Variants in MAPK15 observed in about 807,000 individuals in gnomAD.
MAPK15 encodes ERK-7.
Under a neutral mutation model 60.8 loss-of-function variants are expected in MAPK15, and 61 were observed. The observed-to-expected ratio is 1.00, with a 90% CI of 0.82 to 1.24. The LOEUF is 1.24. Ranked by LOEUF, MAPK15 falls within the 50% of genes most tolerant of loss-of-function variation. MAPK15 has a pLI of 0.00. For missense variants in MAPK15, 808 were observed against 741.1 expected (o/e 1.09, Z -1.05); for synonymous variants, 356 against 319.9 (o/e 1.11, Z -1.21).
At chr8:143,722,033 C>A (rs782646945) in intron 13 of MAPK15, 42 bp from the exon 14 acceptor site, 4 of 1,581,994 alleles carry the variant, frequency 2.5e-6, no homozygotes, top group Middle Eastern at 2.0e-4. Flanking sequence ...TCCACTGCAC[C>A]CCCTCTGATG....
rs549605912 is a variant in MAPK15 at position 143,717,678 on chromosome 8, C to G, written c.67-16C>G. The G allele has an allele frequency of 1.3e-6, 2 of 1,586,082 alleles. No homozygotes were observed. The highest frequency in any genetic ancestry group is 2.7e-5 in the African/African-American group (2 of 74,644). On this transcript the variant is annotated splice_polypyrimidine_tract_variant and intron_variant, in intron 1 of 13. Transcript: ENST00000338033. ...GGGGGAAGGGGCTGGCCCTGTGTGACGGCACTCCTTCCCAGGCCTATGGCA... is the reference window on the plus strand; with the variant it reads ...GGGGGAAGGGGCTGGCCCTGTGTGAGGGCACTCCTTCCCAGGCCTATGGCA...
rs200374933 is a variant in MAPK15, at chr8:143,718,789, G to A, written c.301G>A (p.Ala101Thr). 1.8e-5 allele frequency: 28 copies of A among 1,565,124 alleles called. No individual in the cohort carries two copies. In the East Asian group the frequency reaches 3.6e-4, roughly 20 times the overall value. The change falls in exon 5 of 14, where the codon GCA becomes ACA. Residue 101 changes from alanine to threonine, a missense_variant. Physicochemically the swap from Ala to Thr is moderately conservative, Grantham distance 58 (BLOSUM62 0). Transcript: ENST00000338033. Reference sequence around the variant, plus strand: ...CCTCTCTGCAGACACTGACCTGAACGCAGTCATCCGGAAGGGCGGCCTGCT... The same window carrying A: ...CCTCTCTGCAGACACTGACCTGAACACAGTCATCCGGAAGGGCGGCCTGCT... ...VFEFMDTDLNAVIRKGGLLQD... is the reference protein window; with the variant it reads ...VFEFMDTDLNTVIRKGGLLQD...
intron 2 of MAPK15, 45 bp downstream of exon 2, chr8:143,717,837 G>A (rs1554618700): frequency 6.4e-7 from 1 of 1,559,770 alleles, no homozygotes; most frequent in Admixed American, 1.7e-5. Context: ...GGGCAGGGAG[G>A]GGCAGCCCCT....
chr8:143,721,798 C>T lies in MAPK15; in HGVS notation c.1376C>T (p.Ala459Val). 6.2e-7 allele frequency: 1 copy of T among 1,613,144 alleles called. No homozygotes were observed. The highest frequency in any genetic ancestry group is 1.3e-5 in the African/African-American group (1 of 75,042). The change falls in exon 13 of 14, where the codon GCT (alanine) becomes GTT (valine). Residue 459 changes from alanine (A) to valine (V), a missense_variant. Coordinates refer to ENST00000338033, the MANE Select transcript of MAPK15 (RefSeq NM_139021.3). ...RGAAPSLTSQ[A>V]AAQVANQALI... ...GCTGCGCCCTCCCTGACCTCCCAGG[C>T]TGCGGCTCAGGTGGCCAACCAGGCC...
Position 143,720,319 on chromosome 8 carries a change from G to A in MAPK15, c.779+32G>A. 1.3e-6 allele frequency: 2 copies of A among 1,553,928 alleles called. No individual in the cohort carries two copies. Among genetic ancestry groups the A allele is most frequent in the Non-Finnish European group, 1.7e-6 (2 of 1,147,358 alleles). On this transcript the variant is annotated intron_variant, in intron 8 of 13. Coordinates refer to ENST00000338033, the MANE Select transcript of MAPK15 (RefSeq NM_139021.3). The surrounding 1 kb of genome is among the most constrained non-coding windows in gnomAD (Gnocchi z 4.6). ...GGGGGCACTTCGGTGAGGGTGACAG[G>A]GTGGCCTATCTCAAGGGAGCAGGGC...
Position 143,721,701 on chromosome 8 carries a change from G to C in MAPK15, c.1329+28G>C, listed in dbSNP as rs1554619932. On this transcript the variant is annotated intron_variant, in intron 12 of 13. Transcript: ENST00000338033. ...AAGTCATGGTGGGGCGGGCACAGGA[G>C]GGACCCCTCCTCTGCACCTTTCAGT... The C allele has an allele frequency of 4.3e-6, 7 of 1,612,160 alleles. No individual in the cohort carries two copies. The East Asian group carries it at 1.6e-4, about 36-fold the overall frequency.
At position 143,718,990 on chromosome 8, in the gene MAPK15, C is replaced by T; in HGVS notation, c.418-3C>T. 2.5e-6 allele frequency: 4 copies of T among 1,606,308 alleles called. No individual in the cohort carries two copies. Among genetic ancestry groups the T allele is most frequent in the Non-Finnish European group, 3.4e-6 (4 of 1,176,696 alleles). ...GGGGCCTCAGCCTGCCTCCTCTCTG[C>T]AGCCGTCCAATGTGCTCCTGGATGC... is the stretch of plus-strand genomic sequence containing the variant. On this transcript the variant is annotated splice_region_variant and splice_polypyrimidine_tract_variant and intron_variant, in intron 5 of 13. Coordinates refer to ENST00000338033, the MANE Select transcript of MAPK15 (RefSeq NM_139021.3).
At position 143,721,291 on chromosome 8, in the gene MAPK15, T is replaced by G. The variant is rs1818053670; in HGVS notation, c.1084T>G (p.Ser362Ala). 6.2e-7 allele frequency: 1 copy of G among 1,613,248 alleles called. No individual in the cohort carries two copies. The highest frequency in any genetic ancestry group is 8.5e-7 in the Non-Finnish European group (1 of 1,179,904). ...GAGAGAGAAGGGCCCGGAGGGTGTC[T>G]CCCCAAGCCAGGCACACCTGCACAA... ...TSREKGPEGV[S>A]PSQAHLHKPR... Residue 362 changes from serine to alanine, a missense_variant, in exon 11 of 14, where the codon TCC becomes GCC. Transcript: ENST00000338033.
At chr8:143,719,561 G>A in intron 7 of MAPK15, 79 bp downstream of exon 7, 1 of 1,524,488 alleles carries the variant, frequency 6.6e-7, no homozygotes, top group Admixed American at 2.1e-5. Context: ...GCAGCTGACA[G>A]GCTAGGACTG....
chr8:143,719,597 G>C, intron 7 of MAPK15, 115 bp downstream of exon 7: 2 of 1,343,928 alleles, frequency 1.5e-6, no homozygotes, highest in Non-Finnish European at 2.0e-6. Context: ...CGGGGACAGG[G>C]AGGATCCAGA....
chr8:143,718,209 C>T lies in MAPK15; in HGVS notation c.196-3C>T. The T allele has an allele frequency of 6.2e-7, 1 of 1,614,192 alleles. No homozygotes were observed. Among genetic ancestry groups the T allele is most frequent in the East Asian group, 2.2e-5 (1 of 44,886 alleles). ...TTCCAGCCGCCTCCGACTCTCTCCC[C>T]AGGAGTTTGGGGACCATCCCAACAT... On this transcript the variant is annotated splice_polypyrimidine_tract_variant and splice_region_variant and intron_variant, in intron 3 of 13. Coordinates refer to ENST00000338033, the MANE Select transcript of MAPK15 (RefSeq NM_139021.3).
Position 143,719,107 on chromosome 8 carries a change from G to C in MAPK15, c.532G>C (p.Val178Leu). The C allele has an allele frequency of 1.3e-6, 2 of 1,562,904 alleles. No homozygotes were observed. The highest frequency in any genetic ancestry group is 1.2e-5 in the South Asian group (1 of 85,548). The part of the protein sequence containing the change: ...GPEDQAVTEY[V>L]ATRWYRAPEV... ...TGAGGACCAGGCCGTGACAGAGTAC[G>C]TGGCCACACGCTGGTACCGAGCACC... is the stretch of plus-strand genomic sequence containing the variant. Residue 178 changes from valine to leucine, a missense_variant, in exon 6 of 14, where the codon GTG becomes CTG. Transcript: ENST00000338033.
rs368058974 is a variant in MAPK15 at position 143,718,198 on chromosome 8, G to A, written c.196-14G>A. The A allele has an allele frequency of 3.7e-6, 6 of 1,613,990 alleles. No homozygotes were observed. The highest frequency in any genetic ancestry group is 1.7e-5 in the Admixed American group (1 of 60,026). On this transcript the variant is annotated splice_polypyrimidine_tract_variant and intron_variant, in intron 3 of 13. Transcript: ENST00000338033. Reference sequence around the variant, plus strand: ...CCCTCCTGGCCTTCCAGCCGCCTCCGACTCTCTCCCCAGGAGTTTGGGGAC... The same window carrying A: ...CCCTCCTGGCCTTCCAGCCGCCTCCAACTCTCTCCCCAGGAGTTTGGGGAC...
Position 143,718,208 on chromosome 8 carries a change from C to G in MAPK15, c.196-4C>G. The G allele has an allele frequency of 6.2e-7, 1 of 1,614,182 alleles. No homozygotes were observed. Among genetic ancestry groups the G allele is most frequent in the Non-Finnish European group, 8.5e-7 (1 of 1,179,998 alleles). ...CTTCCAGCCGCCTCCGACTCTCTCC[C>G]CAGGAGTTTGGGGACCATCCCAACA... On this transcript the variant is annotated splice_polypyrimidine_tract_variant and splice_region_variant and intron_variant, in intron 3 of 13. Coordinates refer to ENST00000338033, the MANE Select transcript of MAPK15 (RefSeq NM_139021.3).
intron 1 of MAPK15, among the ~76,000 whole-genome samples, chr8:143,716,892 GT>G (rs1563747002): frequency 6.6e-6 from 1 of 152,062 alleles, no homozygotes; most frequent in African/African-American, 2.4e-5. Context: ...AGAGCCTTGT[GT>G]ATCTGTGTGT....
At chr8:143,716,910 G>A (rs1817833773) in intron 1 of MAPK15, among the ~76,000 whole-genome samples, 1 of 152,070 alleles carries the variant, frequency 6.6e-6, no homozygotes, top group African/African-American at 2.4e-5. Context: ...GTGTGTGTGT[G>A]AGCATGTAAG....
In MAPK15 at chr8:143,719,521, C is replaced by G. The variant is rs1554619319; in HGVS notation, c.721+39C>G. ...CTGGGGCTGGGCACCGGGAATGCTG[C>G]AGGTCAGACAGCACAGCTGTGGGGA... On this transcript the variant is annotated intron_variant, in intron 7 of 13. Transcript: ENST00000338033. 5 of 1,595,360 alleles carry G rather than the reference C, an allele frequency of 3.1e-6. No homozygotes were observed. The Admixed American group carries it at 8.9e-5, about 28-fold the overall frequency.
Position 143,718,980 on chromosome 8 carries a change from C to T in MAPK15, c.418-13C>T, listed in dbSNP as rs782550907. On this transcript the variant is annotated splice_polypyrimidine_tract_variant and intron_variant, in intron 5 of 13. Transcript: ENST00000338033. ...ACCCAGCCCCGGGGCCTCAGCCTGCCTCCTCTCTGCAGCCGTCCAATGTGC... is the reference window on the plus strand; with the variant it reads ...ACCCAGCCCCGGGGCCTCAGCCTGCTTCCTCTCTGCAGCCGTCCAATGTGC... 4 of 1,604,302 alleles carry T rather than the reference C, an allele frequency of 2.5e-6. No homozygotes were observed. Among genetic ancestry groups the T allele is most frequent in the Non-Finnish European group, 3.4e-6 (4 of 1,175,280 alleles).
intron 1 of MAPK15, 35 bp from the exon 2 acceptor site, chr8:143,717,659 A>C (rs1320339025): frequency 6.5e-7 from 1 of 1,536,860 alleles, no homozygotes; most frequent in Non-Finnish European, 8.9e-7. Context: ...GATGGGGGGA[A>C]GGGGCTGGCC....
Sources: allele counts gnomAD v4.1 joint callset (sites outside exome capture counted in the v4.1 genomes callset), GRCh38; gene constraint gnomAD v4.1.1; non-coding constraint Gnocchi (gnomAD v3.1); transcripts MANE v1.5; gene names NCBI Gene and HGNC (gene_info 2026-07-23, HGNC 2026-07-21).